The following KDM3A variants were observed in gnomAD, a reference collection of about 807,000 sequenced individuals.
KDM3A encodes lysine demethylase 3A.
Under a neutral mutation model 158.0 loss-of-function variants are expected in KDM3A, and 60 were observed. The ratio of observed to expected loss-of-function variants is 0.38; its 90% CI spans 0.31 to 0.47. KDM3A has a LOEUF of 0.47. Ranked by LOEUF, KDM3A falls within the 20% of genes least tolerant of loss-of-function variation. The pLI is 0.99. For missense variants in KDM3A, 1,319 were observed against 1,574.3 expected (o/e 0.84, Z 2.74); for synonymous variants, 608 against 549.3 (o/e 1.11, Z -1.49).
chr2:86,457,691 C>G (rs921563755), intron 8 of KDM3A, among the ~76,000 whole-genome samples: 5 of 152,084 alleles, frequency 3.3e-5, no homozygotes, highest in African/African-American at 1.2e-4. Flanking sequence ...AGGGAAGGAG[C>G]CTTAGAATTC....
intron 11 of KDM3A, among the ~76,000 whole-genome samples, chr2:86,473,846 A>G (rs1673526883): frequency 6.6e-6 from 1 of 152,230 alleles, no homozygotes. Context: ...AAGGCAGATA[A>G]TGAACAAATG....
intron 10 of KDM3A, among the ~76,000 whole-genome samples, chr2:86,469,293 C>G (rs1673295619): frequency 6.6e-6 from 1 of 152,172 alleles, no homozygotes; most frequent in African/African-American, 2.4e-5. Flanking sequence ...ACCCATCTCT[C>G]AACTAGTTCC....
chr2:86,449,501 A>T (rs1021693298), intron 2 of KDM3A, among the ~76,000 whole-genome samples: 2 of 152,202 alleles, frequency 1.3e-5, no homozygotes, highest in Non-Finnish European at 2.9e-5. Flanking sequence ...TAATTAATGT[A>T]TGTAAACGCC....
chr2:86,456,616 C>T (rs1356189378), intron 6 of KDM3A, 50 bp downstream of exon 6: 1 of 1,529,496 alleles, frequency 6.5e-7, no homozygotes, highest in Admixed American at 1.9e-5. Flanking sequence ...AGCATGATAA[C>T]TATACAAAGC....
intron 3 of KDM3A, among the ~76,000 whole-genome samples, chr2:86,450,400 T>C (rs1007562168): frequency 4.6e-5 from 7 of 152,250 alleles, no homozygotes; most frequent in African/African-American, 1.7e-4. Flanking sequence ...ATAGTAGCTG[T>C]TGCCTTGCTC....
chr2:86,456,118 A>C (rs1262124394), intron 5 of KDM3A, among the ~76,000 whole-genome samples: 1 of 151,952 alleles, frequency 6.6e-6, no homozygotes, highest in Admixed American at 6.6e-5. Context: ...CTACAATCAT[A>C]CATTTTTTTT....
chr2:86,448,338 A>T (rs1259839745), intron 2 of KDM3A, among the ~76,000 whole-genome samples: 1 of 152,186 alleles, frequency 6.6e-6, no homozygotes, highest in African/African-American at 2.4e-5. Flanking sequence ...AGCAGGTGAG[A>T]GAAACAAGAT....
chr2:86,453,955 A>G (rs919334773), intron 4 of KDM3A, among the ~76,000 whole-genome samples: 12 of 152,188 alleles, frequency 7.9e-5, no homozygotes, highest in African/African-American at 1.9e-4. Context: ...CGGTTTGGCA[A>G]GTTATTCCTA....
Position 86,442,203 on chromosome 2 carries a change from C to T in KDM3A, c.156C>T (p.Ser52=), listed in dbSNP as rs1406803362. 1 of 1,611,860 alleles carries T rather than the reference C, an allele frequency of 6.2e-7. No homozygotes were observed. Among genetic ancestry groups the T allele is most frequent in the Non-Finnish European group, 8.5e-7 (1 of 1,178,764 alleles). ...PWLSGTIRAV[S]HTDVTKKDLK... ...TCTCCGGGACCATTCGAGCTGTTTC[C>T]CACACCGACGTTACCAAGAAGGATC... Residue 52 remains serine (S), a synonymous_variant, in exon 2 of 26, where the codon TCC becomes TCT. Coordinates refer to ENST00000312912, the MANE Select transcript of KDM3A (RefSeq NM_018433.6).
intron 6 of KDM3A, 34 bp downstream of exon 6, chr2:86,456,600 C>G: frequency 6.3e-7 from 1 of 1,579,580 alleles, no homozygotes; most frequent in Admixed American, 1.8e-5. Context: ...TAAGATAACT[C>G]GACAAAGCAT....
chr2:86,453,703 A>T (rs894392556), intron 4 of KDM3A, among the ~76,000 whole-genome samples: 1 of 152,146 alleles, frequency 6.6e-6, no homozygotes, highest in Non-Finnish European at 1.5e-5. Flanking sequence ...ACAAAAACTA[A>T]CCCATTCTGG....
At chr2:86,457,933 G>A (rs1489413086) in intron 8 of KDM3A, among the ~76,000 whole-genome samples, 1 of 152,060 alleles carries the variant, frequency 6.6e-6, no homozygotes, top group African/African-American at 2.4e-5. Flanking sequence ...TCTCTTTTAG[G>A]TGAATTAAAT....
chr2:86,467,598 T>C (rs1209380249), intron 10 of KDM3A, among the ~76,000 whole-genome samples: 1 of 152,220 alleles, frequency 6.6e-6, no homozygotes, highest in African/African-American at 2.4e-5. Context: ...ATGGTGGTAG[T>C]TATCAGAAGC....
At chr2:86,473,601 T>C (rs1017699180) in intron 11 of KDM3A, among the ~76,000 whole-genome samples, 12 of 152,054 alleles carry the variant, frequency 7.9e-5, no homozygotes, top group Middle Eastern at 3.4e-3. Flanking sequence ...AAAAAGAAAA[T>C]TAGCTGGGCG....
At chr2:86,457,595 A>T (rs1341996207) in intron 8 of KDM3A, among the ~76,000 whole-genome samples, 2 of 152,122 alleles carry the variant, frequency 1.3e-5, no homozygotes. Context: ...TTTGCTGGAG[A>T]TTCTCAATAG....
At chr2:86,489,259 G>GA (rs1471588026) in intron 21 of KDM3A, 59 bp from the exon 22 acceptor site, 15 of 1,576,058 alleles carry the variant, frequency 9.5e-6, no homozygotes, top group African/African-American at 1.4e-5. Flanking sequence ...GTAGGTAGTG[G>GA]AAAGACTGTG....
At chr2:86,441,956 G>A in intron 1 of KDM3A, 62 bp from the exon 2 acceptor site, 1 of 1,381,116 alleles carries the variant, frequency 7.2e-7, no homozygotes, top group Non-Finnish European at 1.0e-6. Context: ...CCTCCCTGCT[G>A]TCTCCGCCCG....
At position 86,484,073 on chromosome 2, in the gene KDM3A, A is replaced by T; in HGVS notation, c.3009A>T (p.Glu1003Asp). The change falls in exon 19 of 26, where the codon GAA becomes GAT. Residue 1003 changes from glutamate (E) to aspartate (D), a missense_variant. By Grantham distance (45) the Glu-to-Asp change is conservative. Around this residue, in one of 4 missense-constraint regions of KDM3A, gnomAD observed 368 missense variants for 415.8 expected, o/e 0.89. Coordinates refer to ENST00000312912, the MANE Select transcript of KDM3A (RefSeq NM_018433.6). ...ESFRKEFGEQ[E>D]VDLVNCRTNE... is the part of the protein sequence containing the mutation. ...TCAGGAAAGAGTTTGGTGAGCAGGA[A>T]GTAGACCTAGTTAATTGTAGGACCA... 6.2e-7 allele frequency: 1 copy of T among 1,614,018 alleles called. No homozygotes were observed.
In KDM3A at chr2:86,482,510, CTT is replaced by C; in HGVS notation, c.2740_2741del (p.Leu914GlyfsTer4). ...AAAATCCTTGATGACATCTTTGCCT[CTT>C]TGGTGCAAAATAAGACGACTTCTGA... is the stretch of plus-strand genomic sequence containing the variant. On this transcript the variant is annotated frameshift_variant, in exon 18 of 26. Coordinates refer to ENST00000312912, the MANE Select transcript of KDM3A (RefSeq NM_018433.6). LOFTEE classifies it high-confidence loss of function. 1 of 1,614,194 alleles carries C rather than the reference CTT, an allele frequency of 6.2e-7. No homozygotes were observed. Among genetic ancestry groups the C allele is most frequent in the South Asian group, 1.1e-5 (1 of 91,086 alleles).
Sources: gnomAD v4.1 joint callset for allele counts (sites outside exome capture counted in the v4.1 genomes callset) on GRCh38, gnomAD v4.1.1 for gene constraint, gnomAD v4.1.1 regional missense constraint, MANE v1.5 for transcripts, NCBI Gene and HGNC (gene_info 2026-07-23, HGNC 2026-07-21) for gene names.